The following SPRED1 variants were observed in gnomAD, a reference collection of about 807,000 sequenced individuals.
SPRED1 encodes sprouty-related, EVH1 domain-containing protein 1.
SPRED1 carries 18 observed loss-of-function variants against 52.3 expected under a neutral mutation model. The ratio of observed to expected loss-of-function variants is 0.34; its 90% confidence interval spans 0.24 to 0.51. The LOEUF is 0.51. Ranked by LOEUF, SPRED1 falls within the 20% of genes least tolerant of loss-of-function variation. The pLI, the probability that SPRED1 is intolerant of heterozygous loss-of-function variation, is 0.97. For synonymous variants in SPRED1, 155 were observed against 179.7 expected (o/e 0.86, Z 1.10); for missense variants, 485 against 551.0 (o/e 0.88, Z 1.20).
intron 1 of SPRED1, among the ~76,000 whole-genome samples, chr15:38,279,680 A>G (rs1653751237): frequency 6.6e-6 from 1 of 152,226 alleles, no homozygotes; most frequent in African/African-American, 2.4e-5. Flanking sequence ...AGGATTAAAT[A>G]TAATCCTTGT....
At position 38,354,559 on chromosome 15, in the gene SPRED1, A is replaced by T. The variant is rs1413291737; in HGVS notation, c.*2895A>T. The T allele has an allele frequency of 6.6e-6, 1 of 152,198 alleles. No homozygotes were observed. The highest frequency in any genetic ancestry group is 2.4e-5 in the African/African-American group (1 of 41,452). The allele number at this position is 152,198 out of a possible 1,614,324, so 9.4% of individuals were successfully genotyped here. ...CCAGAGACATGAGATGGCAATAGGG[A>T]TCTGACAGGGTTCATCACTACTACC... On this transcript the variant is annotated 3_prime_UTR_variant, in exon 7 of 7. Transcript: ENST00000299084.
intron 2 of SPRED1, among the ~76,000 whole-genome samples, chr15:38,310,341 A>G (rs1895342182): frequency 6.6e-6 from 1 of 152,048 alleles, no homozygotes; most frequent in South Asian, 2.1e-4. Context: ...GGGTTTCACC[A>G]TGTTGACCAG....
chr15:38,329,802 A>AT (rs528511286), intron 4 of SPRED1, among the ~76,000 whole-genome samples: 87 of 152,266 alleles, frequency 5.7e-4, no homozygotes, highest in Non-Finnish European at 7.4e-4. Flanking sequence ...ATACAAATGC[A>AT]TACTTCCTTT....
intron 1 of SPRED1, among the ~76,000 whole-genome samples, chr15:38,291,582 G>T (rs8024561): frequency 1.3e-5 from 2 of 152,216 alleles, no homozygotes; most frequent in Non-Finnish European, 2.9e-5. Context: ...CTTCTGAAAT[G>T]TAGGCAGAAT....
intron 4 of SPRED1, among the ~76,000 whole-genome samples, chr15:38,337,922 A>G (rs1244257968): frequency 1.3e-5 from 2 of 151,548 alleles, no homozygotes; most frequent in East Asian, 3.9e-4. Context: ...TCAATTTATA[A>G]TAAAAAGAAA....
chr15:38,337,997 T>A (rs1895953917), intron 4 of SPRED1, among the ~76,000 whole-genome samples: 2 of 147,114 alleles, frequency 1.4e-5, no homozygotes, highest in Non-Finnish European at 3.0e-5. Context: ...AGTCAGGAGT[T>A]CGAGACCAGC....
At chr15:38,325,773 C>T (rs1051092463) in intron 4 of SPRED1, among the ~76,000 whole-genome samples, 1 of 152,108 alleles carries the variant, frequency 6.6e-6, no homozygotes, top group Admixed American at 6.5e-5. Flanking sequence ...CAGCTCCAAG[C>T]AAGCCTTAAT....
intron 1 of SPRED1, among the ~76,000 whole-genome samples, chr15:38,294,672 A>G (rs967831998): frequency 2.0e-5 from 3 of 152,200 alleles, no homozygotes; most frequent in Non-Finnish European, 4.4e-5. Context: ...TAAGCTTAAG[A>G]ACAGTCGACC....
At chr15:38,341,334 C>G (rs944586632) in intron 5 of SPRED1, among the ~76,000 whole-genome samples, 5 of 151,816 alleles carry the variant, frequency 3.3e-5, no homozygotes, top group African/African-American at 9.7e-5. Flanking sequence ...TTTGCCTACA[C>G]TATTAGGTTT....
At position 38,316,748 on chromosome 15, in the gene SPRED1, G is replaced by GGTTTTTTTTTTTTTTTT; in HGVS notation, c.208-5493_208-5492insGTTTTTTTTTTTTTTTT. 5.0e-4 allele frequency among the ~76,000 whole-genome samples: 21 copies of GGTTTTTTTTTTTTTTTT among 41,918 alleles called. 4 individuals are homozygous for GGTTTTTTTTTTTTTTTT. The highest frequency in any genetic ancestry group is 4.6e-3 in the East Asian group (3 of 654). 27.5% of individuals were successfully genotyped at this position (41,918 alleles called of 152,430 possible). On this transcript the variant is annotated intron_variant, in intron 2 of 6. Transcript: ENST00000299084. ...TCTAGTTTACAATTTTCCATTATAT[G>GGTTTTTTTTTTTTTTTT]TTTTTTTTTTTTTTTTTTTTTTTTG...
chr15:38,308,972 T>C (rs180696462), intron 2 of SPRED1, among the ~76,000 whole-genome samples: 90 of 152,314 alleles, frequency 5.9e-4, no homozygotes, highest in African/African-American at 2.1e-3. Flanking sequence ...TTTCTAAGCA[T>C]CCTCACCAGC....
intron 1 of SPRED1, among the ~76,000 whole-genome samples, chr15:38,267,960 T>C (rs771464004): frequency 1.5e-4 from 23 of 152,224 alleles, no homozygotes; most frequent in Admixed American, 3.9e-4. Context: ...CTTTTCCTAA[T>C]ACACATAATT....
intron 1 of SPRED1, among the ~76,000 whole-genome samples, chr15:38,290,873 C>T (rs1894910840): frequency 6.6e-6 from 1 of 152,078 alleles, no homozygotes; most frequent in African/African-American, 2.4e-5. Context: ...ACACAGCTAC[C>T]CCATATCATT....
intron 1 of SPRED1, among the ~76,000 whole-genome samples, chr15:38,299,090 G>A (rs536022328): frequency 6.6e-6 from 1 of 152,232 alleles, no homozygotes; most frequent in South Asian, 2.1e-4. Context: ...CTTGTTCCGT[G>A]GCAATCAGAT....
At chr15:38,291,386 C>T (rs531689266) in intron 1 of SPRED1, among the ~76,000 whole-genome samples, 1 of 152,330 alleles carries the variant, frequency 6.6e-6, no homozygotes, top group Admixed American at 6.5e-5. Context: ...GTCAGTGAAT[C>T]TACCATTCTG....
intron 1 of SPRED1, chr15:38,283,550 A>G (rs1894739378): frequency 2.1e-6 from 2 of 959,758 alleles, no homozygotes; most frequent in East Asian, 1.1e-4. Flanking sequence ...CTATGAGCTT[A>G]TATTTAGACA....
At chr15:38,265,068 T>C (rs1377584745) in intron 1 of SPRED1, among the ~76,000 whole-genome samples, 1 of 152,230 alleles carries the variant, frequency 6.6e-6, no homozygotes, top group Non-Finnish European at 1.5e-5. Flanking sequence ...ATTCTTAATG[T>C]GGTTAGAGAA....
At chr15:38,345,731 G>A (rs1174316415) in intron 5 of SPRED1, among the ~76,000 whole-genome samples, 2 of 152,156 alleles carry the variant, frequency 1.3e-5, no homozygotes, top group East Asian at 3.9e-4. Context: ...CAAGTCTTTT[G>A]TAATGACTTT....
intron 1 of SPRED1, among the ~76,000 whole-genome samples, chr15:38,270,900 A>G (rs929013384): frequency 1.3e-5 from 2 of 152,154 alleles, no homozygotes; most frequent in African/African-American, 4.8e-5. Flanking sequence ...TGTTTTCTTT[A>G]AACATTTCTT....
Sources: gnomAD v4.1 joint callset for allele counts (sites outside exome capture counted in the v4.1 genomes callset) on GRCh38, gnomAD v4.1.1 for gene constraint, MANE v1.5 for transcripts, NCBI Gene and HGNC (gene_info 2026-07-23, HGNC 2026-07-21) for gene names.